CPNE8: variants seen among roughly 807,000 people sequenced by gnomAD.
CPNE8 encodes copine-8.
Under a neutral mutation model 81.5 loss-of-function variants are expected in CPNE8, and 45 were observed. The ratio of observed to expected loss-of-function variants is 0.55; its 90% CI spans 0.44 to 0.71. The LOEUF is 0.71. CPNE8 is among the 30% of genes least tolerant of loss of function. The probability of loss-of-function intolerance (pLI) is 0.00; values close to 1 mark genes in which losing one functional copy is unlikely to be tolerated. For missense variants in CPNE8, 594 were observed against 672.1 expected (o/e 0.88, Z 1.28); for synonymous variants, 252 against 226.3 (o/e 1.11, Z -1.02).
intron 16 of CPNE8, 133 bp downstream of exon 16, chr12:38,685,357 A>AT (rs1022697958): frequency 1.7e-5 from 15 of 897,852 alleles, no homozygotes; most frequent in Admixed American, 5.2e-5. Flanking sequence ...TCTAACATAC[A>AT]TTTTTTCCCC....
At chr12:38,708,132 T>G (rs1390358357) in intron 13 of CPNE8, among the ~76,000 whole-genome samples, 1 of 152,178 alleles carries the variant, frequency 6.6e-6, no homozygotes, top group Non-Finnish European at 1.5e-5. Flanking sequence ...TAATACATAC[T>G]TACTAAATCA....
intron 6 of CPNE8, among the ~76,000 whole-genome samples, chr12:38,777,027 CAA>C (rs1389948405): frequency 7.7e-6 from 1 of 129,528 alleles, no homozygotes; most frequent in Non-Finnish European, 1.7e-5. Context: ...CTACACATAC[CAA>C]AAAAAAAAAA....
At chr12:38,734,770 A>G (rs1940915012) in intron 10 of CPNE8, among the ~76,000 whole-genome samples, 1 of 152,070 alleles carries the variant, frequency 6.6e-6, no homozygotes, top group Non-Finnish European at 1.5e-5. Flanking sequence ...AATACAATCT[A>G]ATTATGAAGA....
At chr12:38,693,929 T>A in intron 14 of CPNE8, 91 bp from the exon 15 acceptor site, 1 of 1,056,904 alleles carries the variant, frequency 9.5e-7, no homozygotes, top group Non-Finnish European at 1.3e-6. Context: ...AATGAAATAT[T>A]CAAAATTATG....
intron 13 of CPNE8, among the ~76,000 whole-genome samples, chr12:38,709,854 C>T (rs78835042): frequency 0.055 from 8,410 of 152,138 alleles, 506 homozygotes; most frequent in East Asian, 0.32. Flanking sequence ...TATCTAGGTA[C>T]TTCCTCAAAC....
intron 6 of CPNE8, among the ~76,000 whole-genome samples, chr12:38,823,573 C>T (rs942305701): frequency 2.6e-5 from 4 of 152,150 alleles, no homozygotes; most frequent in African/African-American, 9.7e-5. Context: ...CTGCTTCTTC[C>T]CATTGTATCC....
intron 5 of CPNE8, among the ~76,000 whole-genome samples, chr12:38,832,980 A>G (rs1251870041): frequency 6.6e-6 from 1 of 152,130 alleles, no homozygotes; most frequent in Non-Finnish European, 1.5e-5. Flanking sequence ...TTTAAATTAC[A>G]AATACAATTT....
intron 6 of CPNE8, 77 bp downstream of exon 6, chr12:38,829,302 G>A: frequency 1.1e-6 from 1 of 921,360 alleles, no homozygotes; most frequent in Non-Finnish European, 1.8e-6. Context: ...CCACAACCAT[G>A]CATTCACCAA....
At chr12:38,803,377 C>T (rs1942733219) in intron 6 of CPNE8, among the ~76,000 whole-genome samples, 1 of 145,514 alleles carries the variant, frequency 6.9e-6, no homozygotes, top group Non-Finnish European at 1.5e-5. Context: ...AAATGTAATC[C>T]AGCATATAAA....
chr12:38,848,674 G>A lies in CPNE8; in HGVS notation c.187-12C>T. 6.3e-7 allele frequency: 1 copy of A among 1,576,892 alleles called. No individual in the cohort carries two copies. Among genetic ancestry groups the A allele is most frequent in the South Asian group, 1.2e-5 (1 of 83,720 alleles). ...TCAGTTCTTCCAAACTGTGGAAAGA[G>A]AGAGAGAATTTAAAATTAAACCTTG... On this transcript the variant is annotated splice_polypyrimidine_tract_variant and intron_variant, in intron 3 of 19. Transcript: ENST00000331366.
chr12:38,749,647 G>A (rs553420304), intron 10 of CPNE8, among the ~76,000 whole-genome samples: 22 of 152,230 alleles, frequency 1.4e-4, no homozygotes, highest in Non-Finnish European at 2.9e-4. Context: ...AGAGACTGGC[G>A]GCATTTTGCC....
At chr12:38,692,614 G>GT (rs1939701937) in intron 15 of CPNE8, among the ~76,000 whole-genome samples, 1 of 152,056 alleles carries the variant, frequency 6.6e-6, no homozygotes, top group Non-Finnish European at 1.5e-5. Flanking sequence ...TGAACACAGA[G>GT]GCAGGAAAGG....
At chr12:38,780,566 G>T (rs1053060682) in intron 6 of CPNE8, among the ~76,000 whole-genome samples, 3 of 152,016 alleles carry the variant, frequency 2.0e-5, no homozygotes, top group Admixed American at 2.0e-4. Flanking sequence ...GGAAAAACGT[G>T]AGAGATGAAG....
rs1304485327 is a variant in CPNE8, at chr12:38,905,543, G to A, written c.-9C>T. On this transcript the variant is annotated 5_prime_UTR_variant, in exon 1 of 20. Transcript: ENST00000331366. ...TTGTAGCGGCTGTCCATATTGGGAG[G>A]AGGCGCCTTGGACTTGTCCGGCGCC... is the stretch of plus-strand genomic sequence containing the variant. The A allele has an allele frequency of 2.6e-6, 4 of 1,555,504 alleles. No homozygotes were observed. The highest frequency in any genetic ancestry group is 8.7e-7 in the Non-Finnish European group (1 of 1,150,612).
chr12:38,719,584 G>GAAAAAAA (rs34008352), intron 13 of CPNE8, among the ~76,000 whole-genome samples: 9 of 124,158 alleles, frequency 7.2e-5, no homozygotes, highest in African/African-American at 1.9e-4. Context: ...ATTGTCTCAG[G>GAAAAAAA]AAAAAAAAAA....
chr12:38,860,174 T>C (rs552196431), intron 3 of CPNE8, among the ~76,000 whole-genome samples: 4 of 151,358 alleles, frequency 2.6e-5, no homozygotes, highest in South Asian at 2.1e-4. Flanking sequence ...AACCAATATA[T>C]ACAAAGAAAT....
At chr12:38,849,610 G>A (rs912835478) in intron 3 of CPNE8, among the ~76,000 whole-genome samples, 1 of 152,138 alleles carries the variant, frequency 6.6e-6, no homozygotes, top group Non-Finnish European at 1.5e-5. Context: ...TAATAAAACT[G>A]TAGTACAAAA....
intron 5 of CPNE8, among the ~76,000 whole-genome samples, chr12:38,839,607 C>T (rs1943436932): frequency 6.6e-6 from 1 of 151,946 alleles, no homozygotes; most frequent in Non-Finnish European, 1.5e-5. Flanking sequence ...TGCAAAAAGA[C>T]ACTTGCAATT....
chr12:38,812,064 GAAGT>G (rs1266896336), intron 6 of CPNE8, among the ~76,000 whole-genome samples: 2 of 152,126 alleles, frequency 1.3e-5, no homozygotes, highest in Admixed American at 6.5e-5. Flanking sequence ...AATATAAACT[GAAGT>G]AAGACAAAGT....
Sources: allele counts gnomAD v4.1 joint callset (sites outside exome capture counted in the v4.1 genomes callset), GRCh38; gene constraint gnomAD v4.1.1; transcripts MANE v1.5; gene names NCBI Gene and HGNC (gene_info 2026-07-23, HGNC 2026-07-21).